The following PPARGC1A variants were observed in gnomAD, a reference collection of about 807,000 sequenced individuals.
PPARGC1A encodes PPARG coactivator 1 alpha, also known as peroxisome proliferator-activated receptor gamma coactivator 1-alpha.
Under a neutral mutation model 88.7 loss-of-function variants are expected in PPARGC1A, and 25 were observed. That is an observed-to-expected ratio of 0.28 (90% CI 0.21 to 0.39). The LOEUF (loss-of-function observed/expected upper bound fraction) is 0.39. Ranked by LOEUF, PPARGC1A falls within the 10% of genes least tolerant of loss-of-function variation. PPARGC1A has a pLI of 1.00. For missense variants in PPARGC1A, 880 were observed against 968.7 expected, an observed-to-expected ratio of 0.91 and a Z score of 1.22; for synonymous variants, 363 against 355.6, an observed-to-expected ratio of 1.02 and a Z score of -0.24.
chr4:23,961,231 G>A, the PPARGC1A span, among the ~76,000 whole-genome samples: 1 of 152,058 alleles, frequency 6.6e-6, no homozygotes, highest in East Asian at 1.9e-4. Flanking sequence ...CAGTGATTTA[G>A]GTTTAATCTC....
chr4:24,026,010 C>T, the PPARGC1A span, among the ~76,000 whole-genome samples: 2 of 152,164 alleles, frequency 1.3e-5, no homozygotes, highest in Non-Finnish European at 2.9e-5. Context: ...CAAAGTAATG[C>T]TGTGCTTTGT....
At chr4:24,387,107 C>T in the PPARGC1A span, among the ~76,000 whole-genome samples, 1 of 152,160 alleles carries the variant, frequency 6.6e-6, no homozygotes, top group East Asian at 1.9e-4. Context: ...AAAATTTGAT[C>T]TTTGACAAAT....
intron 1 of PPARGC1A, 56 bp from the exon 2 acceptor site, chr4:23,884,987 A>T: frequency 7.0e-7 from 1 of 1,424,456 alleles, no homozygotes; most frequent in Non-Finnish European, 9.4e-7. Context: ...ACAGGAATTT[A>T]TTAAACTGCA....
the PPARGC1A span, among the ~76,000 whole-genome samples, chr4:24,330,894 T>C: frequency 6.6e-6 from 1 of 152,132 alleles, no homozygotes; most frequent in South Asian, 2.1e-4. Context: ...CTACTGCTGT[T>C]GTGCCTCTAA....
the PPARGC1A span, among the ~76,000 whole-genome samples, chr4:24,283,817 T>C: frequency 6.6e-6 from 1 of 152,182 alleles, no homozygotes; most frequent in Non-Finnish European, 1.5e-5. Context: ...AAAGGGATAA[T>C]GACACTCAGC....
At chr4:24,357,565 T>A in the PPARGC1A span, among the ~76,000 whole-genome samples, 1 of 152,244 alleles carries the variant, frequency 6.6e-6, no homozygotes, top group South Asian at 2.1e-4. Context: ...TGATCTTACT[T>A]CAACTACATT....
intron 5 of PPARGC1A, 89 bp downstream of exon 5, chr4:23,828,311 A>G (rs17847350): frequency 0.045 from 60,907 of 1,342,616 alleles, 1,533 homozygotes; most frequent in Non-Finnish European, 0.049. Context: ...ATGGGACGGA[A>G]GCAAGAAGTT....
chr4:24,053,828 G>A, the PPARGC1A span, among the ~76,000 whole-genome samples: 1,468 of 152,194 alleles, frequency 9.6e-3, 13 homozygotes, highest in Middle Eastern at 0.058. Flanking sequence ...ATTAAACCAC[G>A]ATTGTTATTT....
chr4:24,350,297 GC>G, the PPARGC1A span, among the ~76,000 whole-genome samples: 71 of 152,278 alleles, frequency 4.7e-4, 1 homozygote, highest in African/African-American at 1.6e-3. Context: ...GAGCCACGGC[GC>G]CCCCTGGGAA....
the PPARGC1A span, among the ~76,000 whole-genome samples, chr4:23,928,876 A>C: frequency 1.3e-5 from 2 of 151,958 alleles, no homozygotes; most frequent in African/African-American, 4.8e-5. Context: ...CTAATGCAGG[A>C]ACAGAAAACC....
chr4:24,451,444 T>C, the PPARGC1A span, among the ~76,000 whole-genome samples: 10 of 152,170 alleles, frequency 6.6e-5, no homozygotes, highest in Non-Finnish European at 1.3e-4. Flanking sequence ...CATAGGTCAG[T>C]TGCTGATTTA....
chr4:24,404,775 T>C, the PPARGC1A span, among the ~76,000 whole-genome samples: 13 of 152,352 alleles, frequency 8.5e-5, no homozygotes, highest in Non-Finnish European at 1.5e-4. Flanking sequence ...AAAGTCCTTT[T>C]CTTTGGCAGA....
chr4:24,145,553 G>C, the PPARGC1A span, among the ~76,000 whole-genome samples: 7 of 152,178 alleles, frequency 4.6e-5, no homozygotes, highest in African/African-American at 1.7e-4. Context: ...TTTGTGACCA[G>C]AATGGCAGAT....
At chr4:24,111,445 A>G in the PPARGC1A span, among the ~76,000 whole-genome samples, 1 of 152,244 alleles carries the variant, frequency 6.6e-6, no homozygotes, top group Admixed American at 6.5e-5. Context: ...TTCCTGCAAG[A>G]AACTTCCAAA....
At chr4:24,164,725 C>T in the PPARGC1A span, among the ~76,000 whole-genome samples, 3 of 152,188 alleles carry the variant, frequency 2.0e-5, no homozygotes, top group Non-Finnish European at 4.4e-5. Context: ...GCACAGCTAT[C>T]ATAGCTTGCA....
chr4:24,003,820 AT>A, the PPARGC1A span, among the ~76,000 whole-genome samples: 5 of 146,836 alleles, frequency 3.4e-5, no homozygotes, highest in East Asian at 2.0e-4. Context: ...GATCAGATTG[AT>A]TTTTTTTTTT....
the PPARGC1A span, among the ~76,000 whole-genome samples, chr4:24,468,442 C>A: frequency 6.6e-6 from 1 of 152,192 alleles, no homozygotes. Context: ...CCCGCACACA[C>A]ACACTTGCTA....
At chr4:24,118,610 A>G in the PPARGC1A span, among the ~76,000 whole-genome samples, 1 of 152,174 alleles carries the variant, frequency 6.6e-6, no homozygotes, top group Non-Finnish European at 1.5e-5. Flanking sequence ...TAGAACCACA[A>G]TGGTTCTTAA....
At chr4:24,009,056 A>G in the PPARGC1A span, among the ~76,000 whole-genome samples, 1 of 148,468 alleles carries the variant, frequency 6.7e-6, no homozygotes, top group East Asian at 2.0e-4. Flanking sequence ...AGACCTTCAC[A>G]TAACTTTCTG....
Sources: gnomAD v4.1 joint callset for allele counts (sites outside exome capture counted in the v4.1 genomes callset) on GRCh38, gnomAD v4.1.1 for gene constraint, MANE v1.5 for transcripts, NCBI Gene and HGNC (gene_info 2026-07-23, HGNC 2026-07-21) for gene names.